The following PRKCQ variants were observed in gnomAD, a reference collection of about 807,000 sequenced individuals.
PRKCQ encodes protein kinase C theta type.
PRKCQ carries 41 observed loss-of-function variants against 91.2 expected under a neutral mutation model. That is an observed-to-expected ratio of 0.45 (90% CI 0.35 to 0.58). The LOEUF (loss-of-function observed/expected upper bound fraction) is 0.58. Ranked by LOEUF, PRKCQ falls within the 20% of genes least tolerant of loss-of-function variation. The pLI, the probability that PRKCQ is intolerant of heterozygous loss-of-function variation, is 0.00. For missense variants in PRKCQ, 673 were observed against 896.5 expected, an observed-to-expected ratio of 0.75 and a Z score of 3.18; for synonymous variants, 307 against 316.9, an observed-to-expected ratio of 0.97 and a Z score of 0.33.
intron 7 of PRKCQ, among the ~76,000 whole-genome samples, chr10:6,495,074 A>G (rs1020472655): frequency 1.3e-5 from 2 of 152,040 alleles, no homozygotes; most frequent in Non-Finnish European, 2.9e-5. Context: ...TCTAACATCA[A>G]AATCACCTGA....
chr10:6,455,369 T>C (rs182279284), intron 15 of PRKCQ, among the ~76,000 whole-genome samples: 3 of 152,350 alleles, frequency 2.0e-5, no homozygotes, highest in Non-Finnish European at 2.9e-5. Context: ...CAATGCCATG[T>C]AAGCTAAAAG....
chr10:6,481,951 G>A (rs1836621015), intron 11 of PRKCQ, among the ~76,000 whole-genome samples: 1 of 150,566 alleles, frequency 6.6e-6, no homozygotes, highest in South Asian at 2.1e-4. Flanking sequence ...CCGGTAGTTG[G>A]TTATAATTTC....
At chr10:6,530,006 G>A (rs1839333377) in intron 1 of PRKCQ, among the ~76,000 whole-genome samples, 2 of 152,294 alleles carry the variant, frequency 1.3e-5, no homozygotes, top group South Asian at 2.1e-4. Flanking sequence ...CACTTGCCAA[G>A]GGGATGAAGT....
chr10:6,404,819 CTT>C, the PRKCQ span, among the ~76,000 whole-genome samples: 1 of 133,166 alleles, frequency 7.5e-6, no homozygotes, highest in Non-Finnish European at 1.6e-5. Flanking sequence ...CTCTTTCATT[CTT>C]TCTTTCCTTC....
At position 6,535,133 on chromosome 10, in the gene PRKCQ, A is replaced by T. The variant is rs1588394600; in HGVS notation, c.-9-19989T>A. On this transcript the variant is annotated intron_variant, in intron 1 of 17. Coordinates refer to ENST00000263125, the MANE Select transcript of PRKCQ (RefSeq NM_006257.5). ...GCTCACTTCTGCTGACTCTGACACT[A>T]GTTTCTTTCCACTACAAGACCTCTC... 2.0e-5 allele frequency among the ~76,000 whole-genome samples: 3 copies of T among 152,238 alleles called. No individual in the cohort carries two copies. In the South Asian group the frequency reaches 6.2e-4, roughly 32 times the overall value.
intron 14 of PRKCQ, 41 bp from the exon 15 acceptor site, chr10:6,456,853 TA>T: frequency 6.2e-7 from 1 of 1,606,596 alleles, no homozygotes; most frequent in Non-Finnish European, 8.5e-7. Flanking sequence ...TTAATCAATA[TA>T]ATTTGGTTAA....
chr10:6,457,870 T>C lies in PRKCQ; in HGVS notation c.1509-1058A>G, dbSNP rs113399585. Among the ~76,000 whole-genome samples the C allele has an allele frequency of 1.0e-2, 1,523 of 152,332 alleles. 12 individuals carry two copies. The highest frequency in any genetic ancestry group is 0.014 in the Non-Finnish European group (957 of 68,030). On this transcript the variant is annotated intron_variant, in intron 14 of 17. Coordinates refer to ENST00000263125, the MANE Select transcript of PRKCQ (RefSeq NM_006257.5). ...TTCTGCTTTCCTTTATGAAGTGCCA[T>C]TATCCCAGTTTCTTCTCATTCTGTA... is the stretch of plus-strand genomic sequence containing the variant.
At chr10:6,440,978 A>G (rs937530606) in intron 16 of PRKCQ, among the ~76,000 whole-genome samples, 4 of 152,160 alleles carry the variant, frequency 2.6e-5, no homozygotes, top group African/African-American at 9.7e-5. Flanking sequence ...AGGGAGTGAG[A>G]CTGTCTCAAA....
chr10:6,485,282 CAG>C lies in PRKCQ; in HGVS notation c.901-15_901-14del, dbSNP rs772702393. 2.2e-5 allele frequency: 36 copies of C among 1,608,402 alleles called. 1 individual carries two copies. In the South Asian group the frequency reaches 2.3e-4, roughly 10 times the overall value. On this transcript the variant is annotated splice_polypyrimidine_tract_variant and intron_variant, in intron 9 of 17. Transcript: ENST00000263125. Reference sequence around the variant, plus strand: ...TTAAGCAGCGAGCCTGGATGACAAACAGAGAGTCAGACCACCCACCCACCCAC... The same window carrying C: ...TTAAGCAGCGAGCCTGGATGACAAACAGAGTCAGACCACCCACCCACCCAC...
chr10:6,534,793 G>C (rs10906790), intron 1 of PRKCQ, among the ~76,000 whole-genome samples: 2 of 91,576 alleles, frequency 2.2e-5, no homozygotes, highest in Non-Finnish European at 2.7e-5. Flanking sequence ...TATATATATA[G>C]ATATATATAT....
At chr10:6,500,544 G>A (rs1488521400) in intron 4 of PRKCQ, among the ~76,000 whole-genome samples, 5 of 151,494 alleles carry the variant, frequency 3.3e-5, no homozygotes, top group African/African-American at 1.2e-4. Flanking sequence ...GGAATTTCTA[G>A]AAATGAATTA....
At position 6,497,321 on chromosome 10, in the gene PRKCQ, T is replaced by C. The variant is rs980599984; in HGVS notation, c.543-70A>G. 1.3e-6 allele frequency: 2 copies of C among 1,565,234 alleles called. No individual in the cohort carries two copies. Among genetic ancestry groups the C allele is most frequent in the Admixed American group, 1.7e-5 (1 of 59,924 alleles). ...ATCAGCACCAACAGCATTTAAGAGATGGATGAGATCTCATAACCCCCTAAG... is the reference window on the plus strand; with the variant it reads ...ATCAGCACCAACAGCATTTAAGAGACGGATGAGATCTCATAACCCCCTAAG... On this transcript the variant is annotated intron_variant, in intron 5 of 17. Transcript: ENST00000263125. The surrounding 1 kb of genome is among the most constrained non-coding windows in gnomAD (Gnocchi z 4.5).
the PRKCQ span, among the ~76,000 whole-genome samples, chr10:6,410,976 CAAAAAAAAAA>C: frequency 2.3e-5 from 2 of 87,554 alleles, no homozygotes; most frequent in Non-Finnish European, 4.3e-5. Context: ...GATTCCGTTT[CAAAAAAAAAA>C]AAAAAAAAAA....
At chr10:6,573,146 C>T (rs1282811878) in intron 1 of PRKCQ, among the ~76,000 whole-genome samples, 1 of 152,174 alleles carries the variant, frequency 6.6e-6, no homozygotes, top group African/African-American at 2.4e-5. Flanking sequence ...TATTCTATTT[C>T]ATGCTTGTTA....
chr10:6,490,648 G>A (rs1212331332), intron 8 of PRKCQ, among the ~76,000 whole-genome samples: 1 of 152,052 alleles, frequency 6.6e-6, no homozygotes, highest in Non-Finnish European at 1.5e-5. Flanking sequence ...GAGAGGCTGA[G>A]GTGGGAGGAT....
chr10:6,415,769 A>G, the PRKCQ span, among the ~76,000 whole-genome samples: 1 of 74,052 alleles, frequency 1.4e-5, no homozygotes, highest in Non-Finnish European at 3.2e-5. Context: ...TTTGAGACAG[A>G]GTCTCTTGCT....
At chr10:6,433,743 A>C (rs905095782) in intron 16 of PRKCQ, among the ~76,000 whole-genome samples, 4 of 152,148 alleles carry the variant, frequency 2.6e-5, no homozygotes, top group Non-Finnish European at 4.4e-5. Flanking sequence ...TTTAGAAGCA[A>C]AGAGGGGCTG....
chr10:6,438,259 T>C (rs1029313347), intron 16 of PRKCQ, among the ~76,000 whole-genome samples: 1 of 152,258 alleles, frequency 6.6e-6, no homozygotes, highest in Non-Finnish European at 1.5e-5. Context: ...AAGTTTCTAA[T>C]GCCCAAGACA....
At chr10:6,521,917 GTTATGTTATTTATTTAT>G (rs1564371767) in intron 1 of PRKCQ, among the ~76,000 whole-genome samples, 3 of 44,890 alleles carry the variant, frequency 6.7e-5, no homozygotes, top group African/African-American at 1.1e-4. Context: ...GTTATGTTAT[GTTATGTTATTTATTTAT>G]TTATTTATTT....
Sources: allele counts gnomAD v4.1 joint callset (sites outside exome capture counted in the v4.1 genomes callset), GRCh38; gene constraint gnomAD v4.1.1; non-coding constraint Gnocchi (gnomAD v3.1); transcripts MANE v1.5; gene names NCBI Gene and HGNC (gene_info 2026-07-23, HGNC 2026-07-21).